The following DTD1 variants were observed in gnomAD, a reference collection of about 807,000 sequenced individuals.
The protein encoded by DTD1 is D-aminoacyl-tRNA deacylase 1, also known as D-tyrosyl-tRNA deacylase 1 homolog.
Under a neutral mutation model 25.6 loss-of-function variants are expected in DTD1, and 13 were observed. The observed-to-expected ratio is 0.51, with a 90% CI of 0.33 to 0.81. DTD1 has a LOEUF of 0.81. DTD1 is among the 30% of genes least tolerant of loss of function. The probability of loss-of-function intolerance (pLI) is 0.02; values close to 1 mark genes in which losing one functional copy is unlikely to be tolerated. For missense variants in DTD1, 193 were observed against 266.4 expected, an observed-to-expected ratio of 0.72 and a Z score of 1.92; for synonymous variants, 110 against 103.6, an observed-to-expected ratio of 1.06 and a Z score of -0.37.
chr20:18,751,776 G>C (rs1032011221), intron 5 of DTD1, among the ~76,000 whole-genome samples: 1 of 151,860 alleles, frequency 6.6e-6, no homozygotes, highest in Admixed American at 6.6e-5. Flanking sequence ...TTACAGGAGT[G>C]AGCCACCATG....
chr20:18,624,148 A>G (rs2060748127), intron 3 of DTD1, among the ~76,000 whole-genome samples: 1 of 152,130 alleles, frequency 6.6e-6, no homozygotes, highest in Non-Finnish European at 1.5e-5. Flanking sequence ...GAACCCTGCC[A>G]TGAAGCCCTT....
Position 18,750,700 on chromosome 20 carries a change from G to T in DTD1, c.*19+6429G>T, listed in dbSNP as rs115696107. 5.4e-3 allele frequency among the ~76,000 whole-genome samples: 825 copies of T among 152,284 alleles called. 10 individuals are homozygous for T. Among genetic ancestry groups the T allele is most frequent in the African/African-American group, 0.018 (756 of 41,534 alleles). On this transcript the variant is annotated intron_variant, in intron 5 of 5. Transcript: ENST00000377452. ...TTTGTCCTCTGTCTCAATCCTTCGG[G>T]CTCTCTCACCTTGCTGGGAGGAGTT... is the stretch of plus-strand genomic sequence containing the variant.
At chr20:18,751,064 C>CGT (rs144204072) in intron 5 of DTD1, among the ~76,000 whole-genome samples, 40,858 of 150,204 alleles carry the variant, frequency 0.27, 5,693 homozygotes, top group Middle Eastern at 0.37. Context: ...CTACAGCAGC[C>CGT]GTGTGTGTGT....
chr20:18,696,640 C>T lies in DTD1; in HGVS notation c.478-47460C>T, dbSNP rs77418039. Among the ~76,000 whole-genome samples, 436 of 152,110 alleles carry T rather than the reference C, an allele frequency of 2.9e-3. 13 individuals carry two copies. In the East Asian group the frequency reaches 0.047, roughly 16 times the overall value. ...CACGATCTCGGCTCATTGCAACCTC[C>T]GCCTCCCGGGTTCAAGTGATTCTCC... On this transcript the variant is annotated intron_variant, in intron 4 of 5. Transcript: ENST00000377452.
chr20:18,761,145 T>C (rs1036910012), intron 5 of DTD1, among the ~76,000 whole-genome samples: 2 of 152,038 alleles, frequency 1.3e-5, no homozygotes, highest in African/African-American at 4.8e-5. Context: ...CCCCTTTCCT[T>C]GGCTAGGAAA....
intron 1 of DTD1, chr20:18,592,288 A>G (rs566004889): frequency 6.6e-6 from 1 of 152,328 alleles, no homozygotes; most frequent in East Asian, 1.9e-4. Context: ...AATTGGCAAA[A>G]AATAGAAAAT....
intron 4 of DTD1, among the ~76,000 whole-genome samples, chr20:18,707,054 C>A (rs2061129509): frequency 6.6e-6 from 1 of 152,150 alleles, no homozygotes; most frequent in South Asian, 2.1e-4. Flanking sequence ...TCTTGGGTGG[C>A]CCCAAATGTC....
intron 4 of DTD1, among the ~76,000 whole-genome samples, chr20:18,725,011 C>T (rs1425199375): frequency 1.3e-5 from 2 of 152,262 alleles, no homozygotes; most frequent in African/African-American, 2.4e-5. Context: ...CAGGAAAGAA[C>T]CCTGGTGAGC....
intron 3 of DTD1, among the ~76,000 whole-genome samples, chr20:18,612,858 C>A (rs947154523): frequency 6.6e-5 from 10 of 152,222 alleles, no homozygotes; most frequent in Non-Finnish European, 1.5e-4. Flanking sequence ...AGGGTTTCAC[C>A]ATGTTGGCCA....
At chr20:18,623,719 T>G (rs2060745587) in intron 3 of DTD1, among the ~76,000 whole-genome samples, 1 of 152,166 alleles carries the variant, frequency 6.6e-6, no homozygotes, top group Admixed American at 6.5e-5. Flanking sequence ...GCCTCCTGCG[T>G]CCAGCCGGGT....
chr20:18,707,611 T>G (rs1034154583), intron 4 of DTD1, among the ~76,000 whole-genome samples: 4 of 152,306 alleles, frequency 2.6e-5, no homozygotes, highest in African/African-American at 7.2e-5. Flanking sequence ...CTGGTGGCTG[T>G]CTGTTCACAA....
At chr20:18,612,804 G>A (rs371575287) in intron 3 of DTD1, among the ~76,000 whole-genome samples, 103 of 152,030 alleles carry the variant, frequency 6.8e-4, no homozygotes, top group African/African-American at 2.2e-3. Context: ...AACTATAGGC[G>A]CCTGCCACCA....
intron 4 of DTD1, among the ~76,000 whole-genome samples, chr20:18,680,349 TAAC>T (rs1158140403): frequency 4.0e-5 from 6 of 149,366 alleles, no homozygotes; most frequent in Admixed American, 3.5e-4. Context: ...CATGACTGGC[TAAC>T]TTTTTTTTTT....
intron 4 of DTD1, among the ~76,000 whole-genome samples, chr20:18,713,982 T>G (rs1242425699): frequency 1.3e-5 from 2 of 152,180 alleles, no homozygotes; most frequent in East Asian, 1.9e-4. Flanking sequence ...TGAGGAGCCC[T>G]GACCTCCAGC....
intron 4 of DTD1, among the ~76,000 whole-genome samples, chr20:18,702,556 T>C (rs2061109776): frequency 6.6e-6 from 1 of 152,140 alleles, no homozygotes; most frequent in Non-Finnish European, 1.5e-5. Flanking sequence ...AGATCAGATT[T>C]AACTCCTCAG....
At chr20:18,708,395 G>A (rs1239365071) in intron 4 of DTD1, among the ~76,000 whole-genome samples, 8 of 123,290 alleles carry the variant, frequency 6.5e-5, no homozygotes, top group Admixed American at 2.8e-4. Context: ...TCACTCTGTC[G>A]CCCAGGCTGG....
At chr20:18,627,107 C>A (rs1449447349) in intron 3 of DTD1, among the ~76,000 whole-genome samples, 2 of 152,242 alleles carry the variant, frequency 1.3e-5, no homozygotes, top group Admixed American at 6.5e-5. Flanking sequence ...CCAGTAGGAT[C>A]TAGATTAATC....
chr20:18,742,247 G>T (rs1312673395), intron 4 of DTD1, among the ~76,000 whole-genome samples: 6 of 152,166 alleles, frequency 3.9e-5, no homozygotes, highest in African/African-American at 1.4e-4. Context: ...TTTCGGAGGA[G>T]AGTTGCTGAG....
At chr20:18,632,198 T>A (rs1403855104) in intron 4 of DTD1, 1 of 985,476 alleles carries the variant, frequency 1.0e-6, no homozygotes, top group Non-Finnish European at 1.2e-6. Context: ...AGGCATTTTT[T>A]AAACTTCTAA....
Sources: gnomAD v4.1 joint callset for allele counts (sites outside exome capture counted in the v4.1 genomes callset) on GRCh38, gnomAD v4.1.1 for gene constraint, MANE v1.5 for transcripts, NCBI Gene and HGNC (gene_info 2026-07-23, HGNC 2026-07-21) for gene names.